The following UGT1A9 variants were observed in gnomAD, a reference collection of about 807,000 sequenced individuals.
UGT1A9 encodes UDP-glucuronosyltransferase 1A9.
In UGT1A9, 35 loss-of-function variants were observed where a neutral mutation model predicts 45.0. That is an observed-to-expected ratio of 0.78 (90% CI 0.59 to 1.03). The LOEUF (loss-of-function observed/expected upper bound fraction) is 1.03, where lower values mean the gene tolerates loss of function less well. Among genes scored for constraint, UGT1A9 ranks in the 50% least tolerant of loss-of-function variants. UGT1A9 has a pLI of 0.00. For missense variants in UGT1A9, 687 were observed against 666.6 expected (o/e 1.03, Z -0.34); for synonymous variants, 278 against 250.6 (o/e 1.11, Z -1.03).
chr2:233,755,009 G>A (rs1198421851), intron 1 of UGT1A9: 5 of 1,292,374 alleles, frequency 3.9e-6, no homozygotes, highest in East Asian at 4.6e-5. Context: ...AGACCTACTC[G>A]AAGGGGTCCT....
chr2:233,757,966 T>C (rs1008713784), intron 1 of UGT1A9, among the ~76,000 whole-genome samples: 4 of 152,150 alleles, frequency 2.6e-5, no homozygotes, highest in Admixed American at 6.5e-5. Context: ...GTGTGATTTC[T>C]CAGCCCCTAG....
At chr2:233,687,309 C>T (rs1191549339) in intron 1 of UGT1A9, among the ~76,000 whole-genome samples, 1 of 152,082 alleles carries the variant, frequency 6.6e-6, no homozygotes, top group Non-Finnish European at 1.5e-5. Context: ...TCAATGTTGT[C>T]TTCTTGATGC....
intron 1 of UGT1A9, chr2:233,743,649 C>G (rs754713764): frequency 8.0e-6 from 11 of 1,367,286 alleles, no homozygotes; most frequent in Non-Finnish European, 1.1e-5. Context: ...AAGCTGAAGA[C>G]GTACTCGAAG....
chr2:233,680,607 T>C (rs571428085), intron 1 of UGT1A9, among the ~76,000 whole-genome samples: 3 of 152,274 alleles, frequency 2.0e-5, no homozygotes, highest in East Asian at 1.9e-4. Context: ...ATCTGCATGA[T>C]GGAATTCAGC....
At chr2:233,730,677 T>C (rs1282265511) in intron 1 of UGT1A9, among the ~76,000 whole-genome samples, 2 of 152,094 alleles carry the variant, frequency 1.3e-5, no homozygotes, top group Non-Finnish European at 2.9e-5. Flanking sequence ...AAAGTAATGG[T>C]TGCATCTCAA....
chr2:233,679,551 T>TTTTG (rs1047606927), intron 1 of UGT1A9, among the ~76,000 whole-genome samples: 1 of 152,154 alleles, frequency 6.6e-6, no homozygotes, highest in African/African-American at 2.4e-5. Flanking sequence ...TCATCTTTTT[T>TTTTG]TTTGTTTGTT....
chr2:233,700,871 C>G (rs1196807341), intron 1 of UGT1A9, among the ~76,000 whole-genome samples: 4 of 151,832 alleles, frequency 2.6e-5, no homozygotes, highest in African/African-American at 9.7e-5. Context: ...ATCCCTCCCT[C>G]CTCCCCCCAC....
chr2:233,751,259 G>T (rs1355908720), intron 1 of UGT1A9, among the ~76,000 whole-genome samples: 1 of 151,926 alleles, frequency 6.6e-6, no homozygotes, highest in Non-Finnish European at 1.5e-5. Context: ...GGGGCCTGTA[G>T]CCCCCTTTTT....
rs1697406226 is a variant in UGT1A9, at chr2:233,760,332, G to C, written c.856-6702G>C. On this transcript the variant is annotated intron_variant, in intron 1 of 4. Coordinates refer to ENST00000354728, the MANE Select transcript of UGT1A9 (RefSeq NM_021027.3). Reference sequence around the variant, plus strand: ...GCGGACGCCCACTTGTCCTGGGCCTGCTGCTGTGTGTGCTGGGCCCAGTGG... The same window carrying C: ...GCGGACGCCCACTTGTCCTGGGCCTCCTGCTGTGTGTGCTGGGCCCAGTGG... 6.2e-7 allele frequency: 1 copy of C among 1,613,946 alleles called. No homozygotes were observed. Among genetic ancestry groups the C allele is most frequent in the African/African-American group, 1.3e-5 (1 of 74,948 alleles).
At position 233,743,978 on chromosome 2, in the gene UGT1A9, C is replaced by T. The variant is rs900800021; in HGVS notation, c.856-23056C>T. On this transcript the variant is annotated intron_variant, in intron 1 of 4. Transcript: ENST00000354728. ...AGCGAGCGGCAAGGCTGCCAGCACC[C>T]AGGCGCAGGCCCGAGTGCTCGGAGA... The T allele has an allele frequency of 2.3e-6, 3 of 1,306,202 alleles. No individual in the cohort carries two copies. The African/African-American group carries it at 4.6e-5, about 20-fold the overall frequency. 80.9% of individuals were successfully genotyped at this position (1,306,202 alleles called of 1,614,324 possible). A position where few individuals can be genotyped will look rare whatever the true frequency, so the allele number is the denominator to read the frequency against.
intron 1 of UGT1A9, chr2:233,713,240 A>C: frequency 6.2e-7 from 1 of 1,614,264 alleles, no homozygotes; most frequent in Non-Finnish European, 8.5e-7. Flanking sequence ...ATGCCATTTC[A>C]TGGACCCAGG....
chr2:233,682,412 A>G lies in UGT1A9; in HGVS notation c.855+9623A>G, dbSNP rs981967326. On this transcript the variant is annotated intron_variant, in intron 1 of 4. Coordinates refer to ENST00000354728, the MANE Select transcript of UGT1A9 (RefSeq NM_021027.3). ...TGATGCCTGTGGCTTAATTGTTGCCAAATATTTCTCCCTCCCCTCTGTGGT... is the reference window on the plus strand; with the variant it reads ...TGATGCCTGTGGCTTAATTGTTGCCGAATATTTCTCCCTCCCCTCTGTGGT... 2 of 1,613,870 alleles carry G rather than the reference A, an allele frequency of 1.2e-6. No individual in the cohort carries two copies.
At chr2:233,747,752 A>C in intron 1 of UGT1A9, 1 of 1,613,466 alleles carries the variant, frequency 6.2e-7, no homozygotes, top group Non-Finnish European at 8.5e-7. Context: ...CATGTGATTT[A>C]GACTTTAAGG....
rs192599700 is a variant in UGT1A9, at chr2:233,747,215, T to C, written c.856-19819T>C. 3.6e-4 allele frequency: 574 copies of C among 1,605,522 alleles called. 5 individuals are homozygous for C. In the East Asian group the frequency reaches 0.012, roughly 33 times the overall value. On this transcript the variant is annotated intron_variant, in intron 1 of 4. Coordinates refer to ENST00000354728, the MANE Select transcript of UGT1A9 (RefSeq NM_021027.3). ...CAGCTGTCCGTGTCTTCTGCTGAGA[T>C]GGCCACAGGACCCCAGGTTCCCCTG...
intron 3 of UGT1A9, 132 bp downstream of exon 3, chr2:233,768,068 A>G: frequency 1.3e-6 from 2 of 1,596,810 alleles, no homozygotes; most frequent in Admixed American, 3.5e-5. Flanking sequence ...CTTTTTATCT[A>G]GTGGGGTATC....
In UGT1A9 at chr2:233,769,368, G is replaced by T. The variant is rs1276563226; in HGVS notation, c.1295+929G>T. ...TGGGAAGAAGTGGTGGCCAGTGGTA[G>T]ATTTCATCCGACAATAGATACTGTG... On this transcript the variant is annotated intron_variant, in intron 4 of 4. Coordinates refer to ENST00000354728, the MANE Select transcript of UGT1A9 (RefSeq NM_021027.3). This position sits in a 1 kb window ranked among gnomAD's most constrained non-coding sequence, Gnocchi z 4.4. Among the ~76,000 whole-genome samples the T allele has an allele frequency of 6.6e-6, 1 of 152,222 alleles. No homozygotes were observed. The highest frequency in any genetic ancestry group is 1.5e-5 in the Non-Finnish European group (1 of 68,036).
chr2:233,712,916 G>T (rs2076260625), intron 1 of UGT1A9: 4 of 1,611,516 alleles, frequency 2.5e-6, no homozygotes, highest in Non-Finnish European at 3.4e-6. Context: ...CAGTGACAAG[G>T]TAATTAAGAC....
intron 1 of UGT1A9, among the ~76,000 whole-genome samples, chr2:233,757,579 A>G (rs962970301): frequency 1.1e-5 from 1 of 92,092 alleles, no homozygotes; most frequent in Non-Finnish European, 2.2e-5. Flanking sequence ...TGATATAGCT[A>G]TAGTCTAATA....
At chr2:233,728,581 G>A (rs1575575973) in intron 1 of UGT1A9, among the ~76,000 whole-genome samples, 1 of 152,156 alleles carries the variant, frequency 6.6e-6, no homozygotes, top group Non-Finnish European at 1.5e-5. Context: ...TGCGAAAAAC[G>A]ACCAAAACCA....
Sources: allele counts gnomAD v4.1 joint callset (sites outside exome capture counted in the v4.1 genomes callset), GRCh38; gene constraint gnomAD v4.1.1; non-coding constraint Gnocchi (gnomAD v3.1); transcripts MANE v1.5; gene names NCBI Gene and HGNC (gene_info 2026-07-23, HGNC 2026-07-21).